Variants in ABR observed in about 807,000 individuals in gnomAD.
ABR encodes ABR activator of RhoGEF and GTPase, also known as active breakpoint cluster region-related protein.
Under a neutral mutation model 107.2 loss-of-function variants are expected in ABR, and 35 were observed. The observed-to-expected ratio is 0.33, with a 90% CI of 0.25 to 0.43. The LOEUF (loss-of-function observed/expected upper bound fraction) is 0.43. ABR is among the 20% of genes least tolerant of loss of function. ABR has a pLI of 1.00. For synonymous variants in ABR, 498 were observed against 462.0 expected, an observed-to-expected ratio of 1.08 and a Z score of -1.00; for missense variants, 815 against 1,115.2, an observed-to-expected ratio of 0.73 and a Z score of 3.83.
chr17:1,006,779 G>A (rs112879902), intron 22 of ABR, among the ~76,000 whole-genome samples: 13 of 147,044 alleles, frequency 8.8e-5, no homozygotes, highest in Non-Finnish European at 1.8e-4. Flanking sequence ...GGGTACCTGC[G>A]CCATGACGTC....
At chr17:1,083,736 TCTCA>T in intron 4 of ABR, 109 bp from the exon 5 acceptor site, 1 of 872,616 alleles carries the variant, frequency 1.1e-6, no homozygotes, top group South Asian at 1.3e-5. Flanking sequence ...ACTGAAAACC[TCTCA>T]CTCAGCTCGT....
In ABR at chr17:1,222,830, GC is replaced by G. The variant is rs1158228946; in HGVS notation, c.838+5962del. Among the ~76,000 whole-genome samples the G allele has an allele frequency of 5.3e-5, 8 of 152,090 alleles. 1 individual carries two copies. The East Asian group carries it at 1.5e-3, about 29-fold the overall frequency. Reference sequence around the variant, plus strand: ...AGGCTGAGGTGGGAGGATCGCTTGAGCCTAGGAGGTGGAGGCTGCAGTGAGC... The same window carrying G: ...AGGCTGAGGTGGGAGGATCGCTTGAGCTAGGAGGTGGAGGCTGCAGTGAGC... On this transcript the variant is annotated intron_variant, in intron 1 of 22. Transcript: ENST00000574139.
intron 16 of ABR, among the ~76,000 whole-genome samples, chr17:1,038,369 C>G (rs185318041): frequency 3.3e-5 from 5 of 152,218 alleles, no homozygotes; most frequent in Non-Finnish European, 7.3e-5. Context: ...CAGCTCCAGT[C>G]GTGTCTCTGC....
Position 1,012,805 on chromosome 17 carries a change from G to C in ABR, c.1852-8C>G, listed in dbSNP as rs1308799246. On this transcript the variant is annotated splice_polypyrimidine_tract_variant and splice_region_variant and intron_variant, in intron 17 of 22. Coordinates refer to ENST00000302538, the MANE Select transcript of ABR (RefSeq NM_021962.5). ...GGAAAATTCCACTTTGATCTGGTTG[G>C]GGGGTGAGGCAGGTAAAGATTCCCC... 1.9e-6 allele frequency: 3 copies of C among 1,567,560 alleles called. No homozygotes were observed. The highest frequency in any genetic ancestry group is 3.8e-5 in the Admixed American group (2 of 53,326).
chr17:1,087,449 G>C (rs1420016431), intron 4 of ABR, among the ~76,000 whole-genome samples: 1 of 152,214 alleles, frequency 6.6e-6, no homozygotes, highest in African/African-American at 2.4e-5. Flanking sequence ...AGCGCGAGTG[G>C]GGACGCCCGG....
chr17:1,044,200 G>GA (rs1031835844), intron 16 of ABR, among the ~76,000 whole-genome samples: 3 of 31,186 alleles, frequency 9.6e-5, no homozygotes, highest in African/African-American at 2.3e-4. Context: ...AGCCGGTGGA[G>GA]GGGGGGCTCC....
In ABR at chr17:1,194,872, C is replaced by G. The variant is rs140841837; in HGVS notation, c.838+33921G>C. Among the ~76,000 whole-genome samples the G allele has an allele frequency of 1.4e-4, 16 of 112,172 alleles. 5 individuals are homozygous for G. The South Asian group carries it at 5.4e-3, about 38-fold the overall frequency. The allele number at this position is 112,172 out of a possible 152,430, so 73.6% of individuals were successfully genotyped here. Reference sequence around the variant, plus strand: ...TTCGCCATGTTGGCCAGACTGGTCTCGAACTCCTGACTCAGGTGATTCACC... The same window carrying G: ...TTCGCCATGTTGGCCAGACTGGTCTGGAACTCCTGACTCAGGTGATTCACC... On this transcript the variant is annotated intron_variant, in intron 1 of 22. Transcript: ENST00000574139.
intron 10 of ABR, among the ~76,000 whole-genome samples, chr17:1,064,670 G>C (rs1352309455): frequency 2.4e-5 from 3 of 127,078 alleles, no homozygotes; most frequent in Non-Finnish European, 5.0e-5. Context: ...AGACACTGTT[G>C]TTACGTGAAC....
intron 6 of ABR, among the ~76,000 whole-genome samples, chr17:1,077,692 C>T (rs1464342254): frequency 2.6e-5 from 4 of 152,214 alleles, no homozygotes; most frequent in African/African-American, 9.6e-5. Context: ...CCACCATCCC[C>T]CTCAAGTCAG....
At chr17:1,012,030 G>A (rs1358326998) in intron 18 of ABR, 45 bp from the exon 19 acceptor site, 19 of 1,607,326 alleles carry the variant, frequency 1.2e-5, no homozygotes, top group Non-Finnish European at 1.5e-5. Context: ...CCCCACGACA[G>A]CTCTCCCGTA....
chr17:1,017,843 T>C (rs1428465111), intron 16 of ABR, among the ~76,000 whole-genome samples: 1 of 151,310 alleles, frequency 6.6e-6, no homozygotes, highest in East Asian at 2.0e-4. Context: ...CCTCAGGTGG[T>C]CCGCCCACCT....
intron 2 of ABR, among the ~76,000 whole-genome samples, chr17:1,102,961 C>T (rs1011417216): frequency 1.3e-5 from 2 of 152,104 alleles, no homozygotes; most frequent in Admixed American, 6.5e-5. Flanking sequence ...GCGCCCGCCT[C>T]GGCCTCCCAA....
chr17:1,180,773 C>T (rs1364783103), upstream of ABR, among the ~76,000 whole-genome samples: 1 of 152,216 alleles, frequency 6.6e-6, no homozygotes, highest in Admixed American at 6.5e-5. Flanking sequence ...TAAGGAAGAC[C>T]CCCTCGCCCA....
chr17:1,212,491 A>T (rs756141918), intron 1 of ABR, among the ~76,000 whole-genome samples: 1 of 152,180 alleles, frequency 6.6e-6, no homozygotes, highest in African/African-American at 2.4e-5. Flanking sequence ...ACAGTGGTTC[A>T]CACCTGTAAT....
chr17:1,009,537 G>A lies in ABR; in HGVS notation c.2342+142C>T, dbSNP rs112349633. The A allele has an allele frequency of 1.3e-3, 880 of 679,952 alleles. 9 individuals carry two copies. In the African/African-American group the frequency reaches 0.014, roughly 11 times the overall value. The allele number at this position is 679,952 out of a possible 1,614,324, so 42.1% of individuals were successfully genotyped here. On this transcript the variant is annotated intron_variant, in intron 21 of 22. Transcript: ENST00000302538. Reference sequence around the variant, plus strand: ...CCCGATGGAGGCCAGCGCCCACGAGGAGGGACTGAGGAGGTGGGGTTGGGG... The same window carrying A: ...CCCGATGGAGGCCAGCGCCCACGAGAAGGGACTGAGGAGGTGGGGTTGGGG...
intron 1 of ABR, among the ~76,000 whole-genome samples, chr17:1,152,816 G>A (rs760291763): frequency 3.3e-5 from 5 of 151,552 alleles, no homozygotes; most frequent in Non-Finnish European, 5.9e-5. Context: ...GACACAGGCC[G>A]GGCGCGGTGG....
intron 1 of ABR, among the ~76,000 whole-genome samples, chr17:1,129,488 C>T (rs535910481): frequency 6.6e-6 from 1 of 152,022 alleles, no homozygotes; most frequent in African/African-American, 2.4e-5. Flanking sequence ...GCTGAGATCG[C>T]GACACTGCAC....
rs1419839688 is a variant in ABR, at chr17:1,179,042, G to A, written c.61+625C>T. On this transcript the variant is annotated intron_variant, in intron 1 of 22. Coordinates refer to ENST00000302538, the MANE Select transcript of ABR (RefSeq NM_021962.5). The surrounding 1 kb of genome is among the most constrained non-coding windows in gnomAD (Gnocchi z 4.9). ...TCTGAGGGTGGTGGTGATGATGAGGGTGGGGGTGGTGATGAGGCTGGCAGG... is the reference window on the plus strand; with the variant it reads ...TCTGAGGGTGGTGGTGATGATGAGGATGGGGGTGGTGATGAGGCTGGCAGG... Among the ~76,000 whole-genome samples the A allele has an allele frequency of 4.6e-5, 7 of 151,798 alleles. No homozygotes were observed. Among genetic ancestry groups the A allele is most frequent in the Admixed American group, 4.6e-4 (7 of 15,246 alleles).
chr17:1,063,686 G>A (rs1447054840), intron 10 of ABR, among the ~76,000 whole-genome samples: 45 of 143,646 alleles, frequency 3.1e-4, no homozygotes, highest in East Asian at 1.8e-3. Context: ...TCTAGACACT[G>A]TTGTTATGTG....
Sources: gnomAD v4.1 joint callset for allele counts (sites outside exome capture counted in the v4.1 genomes callset) on GRCh38, gnomAD v4.1.1 for gene constraint, Gnocchi (gnomAD v3.1) non-coding constraint, MANE v1.5 for transcripts, NCBI Gene and HGNC (gene_info 2026-07-23, HGNC 2026-07-21) for gene names.